The following ETV5 variants were observed in gnomAD, a reference collection of about 807,000 sequenced individuals.
The protein encoded by ETV5 is ETS variant transcription factor 5.
Under a neutral mutation model 70.0 loss-of-function variants are expected in ETV5, and 10 were observed. The ratio of observed to expected loss-of-function variants is 0.14; its 90% CI spans 0.09 to 0.24. ETV5 has a LOEUF of 0.24. Among genes scored for constraint, ETV5 ranks in the 10% least tolerant of loss-of-function variants. The pLI is 1.00. For synonymous variants in ETV5, 216 were observed against 242.2 expected, an observed-to-expected ratio of 0.89 and a Z score of 1.01; for missense variants, 453 against 651.2, an observed-to-expected ratio of 0.70 and a Z score of 3.31.
chr3:186,098,204 G>A (rs368627899), intron 5 of ETV5, among the ~76,000 whole-genome samples: 22 of 152,350 alleles, frequency 1.4e-4, no homozygotes, highest in African/African-American at 5.3e-4. Flanking sequence ...CTGGCAAAAC[G>A]GGAAAGGCAA....
At chr3:186,108,082 A>C (rs1714637139) in intron 1 of ETV5, among the ~76,000 whole-genome samples, 1 of 151,292 alleles carries the variant, frequency 6.6e-6, no homozygotes, top group South Asian at 2.1e-4. Context: ...CATTCATAAA[A>C]ACGAGGTGCG....
chr3:186,048,892 G>C (rs1712950536), intron 12 of ETV5, 32 bp from the exon 13 acceptor site: 1 of 1,570,960 alleles, frequency 6.4e-7, no homozygotes. Context: ...ACAGGGCCCA[G>C]TTGGAACAGG....
intron 7 of ETV5, among the ~76,000 whole-genome samples, chr3:186,067,868 A>C (rs535403875): frequency 2.6e-5 from 4 of 152,368 alleles, no homozygotes; most frequent in African/African-American, 9.6e-5. Flanking sequence ...AACTGAGGAA[A>C]AATCTCCACA....
At chr3:186,065,278 G>C (rs1713413224) in intron 8 of ETV5, among the ~76,000 whole-genome samples, 2 of 152,158 alleles carry the variant, frequency 1.3e-5, no homozygotes, top group Non-Finnish European at 2.9e-5. Context: ...CAAAATGTCA[G>C]TCTTAAAGGA....
rs776925728 is a variant in ETV5, at chr3:186,080,047, G to A, written c.420C>T (p.Pro140=). Residue 140 remains proline, a synonymous_variant, in exon 7 of 13, where the codon CCC becomes CCT. Transcript: ENST00000306376. ...GGGGATTCTGATGGGTGGGTGAGAG[G>A]GGGGTTGTAGGAGGGGTTAATGGCT... ...GFKPLTPPTT[P]LSPTHQNPLF... The A allele has an allele frequency of 2.0e-6, 3 of 1,533,040 alleles. No homozygotes were observed. Among genetic ancestry groups the A allele is most frequent in the South Asian group, 2.7e-5 (2 of 75,176 alleles). 95.0% of individuals were successfully genotyped at this position (1,533,040 alleles called of 1,614,324 possible).
intron 7 of ETV5, among the ~76,000 whole-genome samples, chr3:186,070,263 T>C (rs767744192): frequency 1.3e-5 from 2 of 152,220 alleles, no homozygotes; most frequent in African/African-American, 4.8e-5. Flanking sequence ...GTTCCTTTGA[T>C]AGCTCCGAGA....
intron 5 of ETV5, among the ~76,000 whole-genome samples, chr3:186,097,356 T>C (rs996739945): frequency 7.2e-5 from 11 of 152,178 alleles, no homozygotes; most frequent in African/African-American, 2.4e-4. Flanking sequence ...TGTGTTAAAA[T>C]TGTAAGCCTA....
At chr3:186,068,750 C>T (rs1452995727) in intron 7 of ETV5, among the ~76,000 whole-genome samples, 10 of 152,280 alleles carry the variant, frequency 6.6e-5, no homozygotes, top group African/African-American at 2.4e-4. Flanking sequence ...ATGGTTTCTG[C>T]CACAGCCATA....
intron 5 of ETV5, among the ~76,000 whole-genome samples, chr3:186,104,454 A>T (rs546095034): frequency 3.3e-5 from 5 of 152,334 alleles, no homozygotes; most frequent in Admixed American, 3.3e-4. Context: ...CACGAAAAGT[A>T]AGAGTAAATC....
At chr3:186,067,652 T>C (rs1713484804) in intron 7 of ETV5, among the ~76,000 whole-genome samples, 3 of 151,192 alleles carry the variant, frequency 2.0e-5, no homozygotes, top group Admixed American at 6.6e-5. Flanking sequence ...AGTAAATATA[T>C]ATGAAAACTT....
At chr3:186,074,859 C>CAGAA (rs1713740713) in intron 7 of ETV5, among the ~76,000 whole-genome samples, 2 of 76,470 alleles carry the variant, frequency 2.6e-5, no homozygotes, top group Admixed American at 2.9e-4. Flanking sequence ...ACTCTGTCTC[C>CAGAA]AAAAAAAAAA....
At chr3:186,059,345 G>T (rs1713249396) in intron 9 of ETV5, among the ~76,000 whole-genome samples, 1 of 152,300 alleles carries the variant, frequency 6.6e-6, no homozygotes, top group African/African-American at 2.4e-5. Context: ...TGCTAGAAGG[G>T]AGTAGGTAGC....
chr3:186,057,951 C>T lies in ETV5; in HGVS notation c.971-460G>A, dbSNP rs1364625933. Among the ~76,000 whole-genome samples, 1 of 152,156 alleles carries T rather than the reference C, an allele frequency of 6.6e-6. No homozygotes were observed. The highest frequency in any genetic ancestry group is 1.5e-5 in the Non-Finnish European group (1 of 68,038). ...ACTCATCCAAGCTACTCACATACCT[C>T]GTTCAATTACGAAAGAGCTTGAAGG... On this transcript the variant is annotated intron_variant, in intron 9 of 12. Transcript: ENST00000306376. This position sits in a 1 kb window ranked among gnomAD's most constrained non-coding sequence, Gnocchi z 4.9.
chr3:186,095,690 G>A (rs534886104), intron 5 of ETV5, among the ~76,000 whole-genome samples: 7 of 152,350 alleles, frequency 4.6e-5, no homozygotes, highest in Admixed American at 3.9e-4. Flanking sequence ...AAGTCTAAAT[G>A]CAGCCTAGCA....
At chr3:186,102,798 C>G (rs1321693593) in intron 5 of ETV5, among the ~76,000 whole-genome samples, 2 of 152,114 alleles carry the variant, frequency 1.3e-5, no homozygotes, top group Non-Finnish European at 2.9e-5. Flanking sequence ...CAGAAAATGA[C>G]TGGAGTGAAG....
intron 5 of ETV5, among the ~76,000 whole-genome samples, chr3:186,098,882 G>A (rs1165437120): frequency 1.3e-5 from 2 of 151,904 alleles, no homozygotes; most frequent in East Asian, 3.9e-4. Flanking sequence ...CCCCTCCAGC[G>A]AACTCAGTGC....
At chr3:186,085,415 C>T (rs1560052989) in intron 5 of ETV5, among the ~76,000 whole-genome samples, 1 of 151,990 alleles carries the variant, frequency 6.6e-6, no homozygotes, top group Admixed American at 6.6e-5. Flanking sequence ...GGACTTACAC[C>T]TTTGTCTGGC....
rs766993491 is a variant in ETV5, at chr3:186,081,043, C to T, written c.362+3G>A. 3.7e-6 allele frequency: 6 copies of T among 1,607,434 alleles called. No homozygotes were observed. The highest frequency in any genetic ancestry group is 1.3e-5 in the African/African-American group (1 of 74,650). On this transcript the variant is annotated splice_donor_region_variant and intron_variant, in intron 6 of 12. Transcript: ENST00000306376. ...CTTTCTTCGACTCCTCTTGCCCACT[C>T]ACCAATAGTTGTAGAGGCACTTTTC...
In ETV5 at chr3:186,105,198, A is replaced by T. The variant is rs1174770124; in HGVS notation, c.232+107T>A. 2.4e-6 allele frequency: 2 copies of T among 838,278 alleles called. No individual in the cohort carries two copies. Among genetic ancestry groups the T allele is most frequent in the Non-Finnish European group, 3.8e-6 (2 of 523,118 alleles). The allele number at this position is 838,278 out of a possible 1,614,324, so 51.9% of individuals were successfully genotyped here. ...AATTATTAGAAGAAACTAAATGCAT[A>T]CTACTGTCTAAATCTGGCCATAGCT... On this transcript the variant is annotated intron_variant, in intron 5 of 12. Coordinates refer to ENST00000306376, the MANE Select transcript of ETV5 (RefSeq NM_004454.3). This position sits in a 1 kb window ranked among gnomAD's most constrained non-coding sequence, Gnocchi z 4.5.
Sources: gnomAD v4.1 joint callset for allele counts (sites outside exome capture counted in the v4.1 genomes callset) on GRCh38, gnomAD v4.1.1 for gene constraint, Gnocchi (gnomAD v3.1) non-coding constraint, MANE v1.5 for transcripts, NCBI Gene and HGNC (gene_info 2026-07-23, HGNC 2026-07-21) for gene names.